The following SYNJ1 variants were observed in gnomAD, a reference collection of about 807,000 sequenced individuals.
SYNJ1 encodes the protein polyphosphatidylinositol phosphatase SYNJ1.
SYNJ1 carries 78 observed loss-of-function variants against 168.2 expected under a neutral mutation model. The observed-to-expected ratio is 0.46, with a 90% CI of 0.39 to 0.56. The LOEUF is 0.56. SYNJ1 is among the 20% of genes least tolerant of loss of function. The probability of loss-of-function intolerance (pLI) is 0.00; values close to 1 mark genes in which losing one functional copy is unlikely to be tolerated. For missense variants in SYNJ1, 1,303 were observed against 1,597.6 expected (o/e 0.82, Z 3.14); for synonymous variants, 539 against 548.6 (o/e 0.98, Z 0.24).
In SYNJ1 at chr21:32,630,980, T is replaced by C. The variant is rs1443708884; in HGVS notation, c.*825A>G. On this transcript the variant is annotated 3_prime_UTR_variant, in exon 33 of 33. Transcript: ENST00000674351. ...CTGCCAAAAGCAAGTACCCACTGTT[T>C]TCTATTGCATGGCGTTATCTTTCTG... 6.2e-7 allele frequency: 1 copy of C among 1,600,110 alleles called. No individual in the cohort carries two copies. The highest frequency in any genetic ancestry group is 8.5e-7 in the Non-Finnish European group (1 of 1,172,618).
At chr21:32,727,041 A>T in intron 1 of SYNJ1, 124 bp from the exon 2 acceptor site, 1 of 1,330,762 alleles carries the variant, frequency 7.5e-7, no homozygotes, top group Non-Finnish European at 1.0e-6. Context: ...GAAAAAACAG[A>T]CAGCTCTGGG....
chr21:32,631,523 A>G lies in SYNJ1; in HGVS notation c.*282T>C, dbSNP rs751292521. The G allele has an allele frequency of 6.2e-7, 1 of 1,614,140 alleles. No individual in the cohort carries two copies. The highest frequency in any genetic ancestry group is 8.5e-7 in the Non-Finnish European group (1 of 1,180,000). ...TGAAAGGATTTGTCCTGGTCAAGCCAGTAATAAATGGGTTTGGAGAACTTC... is the reference window on the plus strand; with the variant it reads ...TGAAAGGATTTGTCCTGGTCAAGCCGGTAATAAATGGGTTTGGAGAACTTC... On this transcript the variant is annotated 3_prime_UTR_variant, in exon 33 of 33. Transcript: ENST00000674351.
At chr21:32,707,445 A>G (rs929111513) in intron 2 of SYNJ1, among the ~76,000 whole-genome samples, 3 of 151,750 alleles carry the variant, frequency 2.0e-5, no homozygotes, top group Non-Finnish European at 4.4e-5. Flanking sequence ...CACTAATACT[A>G]CAGGACTACT....
At chr21:32,693,869 G>T (rs533042541) in intron 6 of SYNJ1, among the ~76,000 whole-genome samples, 68 of 152,216 alleles carry the variant, frequency 4.5e-4, no homozygotes, top group African/African-American at 1.6e-3. Context: ...TGGTTCCCAA[G>T]GCTTTGTTTT....
intron 2 of SYNJ1, among the ~76,000 whole-genome samples, chr21:32,724,670 A>C (rs1435236284): frequency 6.6e-6 from 1 of 152,266 alleles, no homozygotes; most frequent in African/African-American, 2.4e-5. Context: ...TGAAGATTTT[A>C]AGTGAACACT....
upstream of SYNJ1, chr21:32,728,278 T>G (rs2043570185): frequency 2.0e-6 from 1 of 498,546 alleles, no homozygotes; most frequent in Non-Finnish European, 3.5e-6. Flanking sequence ...CGTGGGCTCT[T>G]CAGAGCGTGA....
intron 14 of SYNJ1, 74 bp from the exon 15 acceptor site, chr21:32,670,446 A>C: frequency 1.8e-6 from 2 of 1,104,826 alleles, no homozygotes; most frequent in Non-Finnish European, 2.7e-6. Context: ...ACACAACATA[A>C]CACCAGGTCT....
chr21:32,639,800 A>G, intron 29 of SYNJ1, 21 bp from the exon 30 acceptor site: 2 of 1,591,222 alleles, frequency 1.3e-6, no homozygotes, highest in South Asian at 2.2e-5. Context: ...GAAACATAAC[A>G]CTTGAGACAT....
intron 12 of SYNJ1, among the ~76,000 whole-genome samples, chr21:32,677,979 G>A (rs1020945147): frequency 5.9e-5 from 9 of 152,088 alleles, no homozygotes; most frequent in Non-Finnish European, 1.3e-4. Flanking sequence ...GAAAAAGTAA[G>A]TCTAATCTAT....
chr21:32,688,657 T>C (rs2041917078), intron 6 of SYNJ1, among the ~76,000 whole-genome samples: 1 of 152,220 alleles, frequency 6.6e-6, no homozygotes, highest in African/African-American at 2.4e-5. Flanking sequence ...GGTGTTTTCA[T>C]ATATGGTACT....
At chr21:32,689,353 T>C (rs552814552) in intron 6 of SYNJ1, among the ~76,000 whole-genome samples, 54 of 152,230 alleles carry the variant, frequency 3.5e-4, no homozygotes, top group African/African-American at 1.1e-3. Flanking sequence ...CTGGAGTGCA[T>C]TGGCGTGATC....
chr21:32,692,448 GC>G (rs1014016260), intron 6 of SYNJ1, among the ~76,000 whole-genome samples: 4 of 152,046 alleles, frequency 2.6e-5, no homozygotes, highest in African/African-American at 9.7e-5. Flanking sequence ...GTGGTGGCAC[GC>G]GCCTATAGTC....
At chr21:32,715,694 T>C (rs1221515320) in intron 2 of SYNJ1, among the ~76,000 whole-genome samples, 2 of 152,078 alleles carry the variant, frequency 1.3e-5, no homozygotes, top group African/African-American at 4.8e-5. Context: ...ATATAAAAAG[T>C]TAAATAAGAC....
At position 32,670,432 on chromosome 21, in the gene SYNJ1, T is replaced by A. The variant is rs1005178617; in HGVS notation, c.1727-60A>T. On this transcript the variant is annotated intron_variant, in intron 14 of 32. Transcript: ENST00000674351. ...TAGCCTCAGGCAAATAGCAACCCCATCCAACACAACATAACACCAGGTCTC... is the reference window on the plus strand; with the variant it reads ...TAGCCTCAGGCAAATAGCAACCCCAACCAACACAACATAACACCAGGTCTC... 5.4e-6 allele frequency: 7 copies of A among 1,307,528 alleles called. No individual in the cohort carries two copies. The African/African-American group carries it at 8.8e-5, about 16-fold the overall frequency. 81.0% of individuals were successfully genotyped at this position (1,307,528 alleles called of 1,614,324 possible).
chr21:32,673,396 G>A lies in SYNJ1; in HGVS notation c.1670C>T (p.Thr557Ile). ...QFRSIAFKNQ[T>I]LTDWLLDAPK... is the part of the protein sequence containing the mutation. Reference sequence around the variant, plus strand: ...TGCATCAAGAAGCCAGTCAGTGAGTGTCTGATTCTTAAAAGCTATGCTGCG... The same window carrying A: ...TGCATCAAGAAGCCAGTCAGTGAGTATCTGATTCTTAAAAGCTATGCTGCG... The change falls in exon 14 of 33, where the codon ACA becomes ATA. Residue 557 changes from threonine (T) to isoleucine (I), a missense_variant. By Grantham distance (89) the Thr-to-Ile change is moderately conservative. Transcript: ENST00000674351. 1.9e-6 allele frequency: 3 copies of A among 1,613,808 alleles called. No individual in the cohort carries two copies. The highest frequency in any genetic ancestry group is 2.5e-6 in the Non-Finnish European group (3 of 1,179,878).
rs1468223961 is a variant in SYNJ1 at position 32,681,526 on chromosome 21, T to C, written c.1323A>G (p.Ala441=). The change falls in exon 11 of 33, where the codon GCA becomes GCG. Residue 441 remains alanine (A), a synonymous_variant. Coordinates refer to ENST00000674351, the MANE Select transcript of SYNJ1 (RefSeq NM_203446.3). The part of the protein sequence containing the change: ...VNGDSISKIY[A]GTGALEGKAK... Reference sequence around the variant, plus strand: ...CTTTCCCTTCAAGAGCTCCAGTTCCTGCATATATCTTACTGATTGAATCAC... The same window carrying C: ...CTTTCCCTTCAAGAGCTCCAGTTCCCGCATATATCTTACTGATTGAATCAC... The C allele has an allele frequency of 6.2e-7, 1 of 1,612,772 alleles. No homozygotes were observed. The highest frequency in any genetic ancestry group is 1.7e-5 in the Admixed American group (1 of 59,922).
chr21:32,681,672 T>G, intron 10 of SYNJ1, 24 bp from the exon 11 acceptor site: 1 of 1,594,892 alleles, frequency 6.3e-7, no homozygotes, highest in Non-Finnish European at 8.5e-7. Context: ...CAAGAAATTT[T>G]TATAAGTACA....
At chr21:32,635,607 G>T (rs916226138) in intron 31 of SYNJ1, among the ~76,000 whole-genome samples, 5 of 152,066 alleles carry the variant, frequency 3.3e-5, no homozygotes, top group African/African-American at 1.2e-4. Flanking sequence ...ACAGCCTTAG[G>T]ATAGCCTAGG....
intron 31 of SYNJ1, among the ~76,000 whole-genome samples, chr21:32,637,196 G>A (rs966177495): frequency 1.3e-5 from 2 of 152,062 alleles, no homozygotes; most frequent in African/African-American, 4.8e-5. Context: ...CAATGAGATG[G>A]ATGCCCTAAA....
Sources: allele counts gnomAD v4.1 joint callset (sites outside exome capture counted in the v4.1 genomes callset), GRCh38; gene constraint gnomAD v4.1.1; transcripts MANE v1.5; gene names NCBI Gene and HGNC (gene_info 2026-07-23, HGNC 2026-07-21).